SPOCK3: variants seen among roughly 807,000 people sequenced by gnomAD.
SPOCK3 encodes testican-3.
SPOCK3 carries 30 observed loss-of-function variants against 56.6 expected under a neutral mutation model. The ratio of observed to expected loss-of-function variants is 0.53; its 90% CI spans 0.40 to 0.72. The LOEUF (loss-of-function observed/expected upper bound fraction) is 0.72. Among genes scored for constraint, SPOCK3 ranks in the 30% least tolerant of loss-of-function variants. SPOCK3 has a pLI of 0.00. For synonymous variants in SPOCK3, 196 were observed against 183.3 expected (o/e 1.07, Z -0.56); for missense variants, 527 against 530.0 (o/e 0.99, Z 0.06).
chr4:166,992,186 G>A (rs943855762), intron 4 of SPOCK3, among the ~76,000 whole-genome samples: 9 of 152,140 alleles, frequency 5.9e-5, no homozygotes, highest in African/African-American at 1.7e-4. Flanking sequence ...GTGTGGGTGT[G>A]TGTGTAGATA....
At chr4:167,174,519 G>A (rs1436103912) in intron 2 of SPOCK3, among the ~76,000 whole-genome samples, 1 of 152,010 alleles carries the variant, frequency 6.6e-6, no homozygotes, top group Non-Finnish European at 1.5e-5. Context: ...ACAAGGAGGA[G>A]GCAGTTGATG....
intron 2 of SPOCK3, among the ~76,000 whole-genome samples, chr4:167,076,303 G>T (rs28619070): frequency 0.062 from 9,450 of 151,776 alleles, 468 homozygotes; most frequent in African/African-American, 0.14. Flanking sequence ...GATTTTGGAG[G>T]CTAATGATAT....
At chr4:166,847,001 C>T (rs1012452745) in intron 6 of SPOCK3, among the ~76,000 whole-genome samples, 1 of 151,988 alleles carries the variant, frequency 6.6e-6, no homozygotes. Flanking sequence ...CAAAAAGTTG[C>T]CTTTTGACAA....
intron 2 of SPOCK3, among the ~76,000 whole-genome samples, chr4:167,128,502 C>T (rs1762464215): frequency 2.0e-5 from 3 of 152,158 alleles, no homozygotes; most frequent in Admixed American, 6.6e-5. Context: ...GCCTACTGCC[C>T]ATTCCCGTAT....
chr4:166,862,622 C>T (rs1477284779), intron 6 of SPOCK3, among the ~76,000 whole-genome samples: 1 of 151,876 alleles, frequency 6.6e-6, no homozygotes, highest in East Asian at 1.9e-4. Context: ...TCCTGAGTAG[C>T]CATTAAAAAG....
intron 3 of SPOCK3, among the ~76,000 whole-genome samples, chr4:167,011,690 C>CATAT (rs1750082698): frequency 6.6e-6 from 1 of 151,908 alleles, no homozygotes; most frequent in South Asian, 2.1e-4. Context: ...ATTAGTTGGC[C>CATAT]ATATAAACAT....
At chr4:166,857,158 A>T (rs72697537) in intron 6 of SPOCK3, among the ~76,000 whole-genome samples, 55,118 of 152,034 alleles carry the variant, frequency 0.36, 12,570 homozygotes, top group South Asian at 0.53. Context: ...TTGTCTTTTA[A>T]AGTTTTAAGA....
intron 2 of SPOCK3, among the ~76,000 whole-genome samples, chr4:167,085,766 C>G (rs952532895): frequency 1.3e-5 from 2 of 151,978 alleles, no homozygotes; most frequent in Non-Finnish European, 2.9e-5. Flanking sequence ...GTACAGATGG[C>G]AACTTATTTG....
intron 7 of SPOCK3, among the ~76,000 whole-genome samples, chr4:166,771,941 C>A (rs569583045): frequency 2.0e-5 from 3 of 152,032 alleles, no homozygotes; most frequent in African/African-American, 7.2e-5. Flanking sequence ...TAATTATAGA[C>A]CATGTTTTTA....
At chr4:166,743,064 G>T (rs1356833843) in intron 8 of SPOCK3, among the ~76,000 whole-genome samples, 1 of 151,976 alleles carries the variant, frequency 6.6e-6, no homozygotes, top group Non-Finnish European at 1.5e-5. Flanking sequence ...TCCTGAGATC[G>T]ATCCCCCTCG....
At chr4:167,155,921 G>A (rs1228158349) in intron 2 of SPOCK3, among the ~76,000 whole-genome samples, 1 of 151,978 alleles carries the variant, frequency 6.6e-6, no homozygotes, top group Non-Finnish European at 1.5e-5. Flanking sequence ...AAACCACCAT[G>A]CATATGTATA....
At position 166,826,322 on chromosome 4, in the gene SPOCK3, T is replaced by C. The variant is rs572416883; in HGVS notation, c.590-34033A>G. Among the ~76,000 whole-genome samples, 4 of 152,268 alleles carry C rather than the reference T, an allele frequency of 2.6e-5. No homozygotes were observed. The East Asian group carries it at 5.8e-4, about 22-fold the overall frequency. On this transcript the variant is annotated intron_variant, in intron 6 of 10. Coordinates refer to ENST00000357545, the MANE Select transcript of SPOCK3 (RefSeq NM_001040159.2). Reference sequence around the variant, plus strand: ...ACTTAAGTGTTTTACAATTTGGCAATTGAAGGTGCTTTAAAAGTAAAATAA... The same window carrying C: ...ACTTAAGTGTTTTACAATTTGGCAACTGAAGGTGCTTTAAAAGTAAAATAA...
chr4:167,118,226 A>T (rs893966483), intron 2 of SPOCK3, among the ~76,000 whole-genome samples: 1 of 152,182 alleles, frequency 6.6e-6, no homozygotes, highest in Non-Finnish European at 1.5e-5. Flanking sequence ...AAAAGTAAAC[A>T]ACCTAGATCC....
At chr4:167,196,699 A>C (rs1449724927) in intron 2 of SPOCK3, among the ~76,000 whole-genome samples, 1 of 151,950 alleles carries the variant, frequency 6.6e-6, no homozygotes, top group Admixed American at 6.6e-5. Flanking sequence ...ATGTTTGTTG[A>C]CAAAAATTAA....
intron 3 of SPOCK3, among the ~76,000 whole-genome samples, chr4:167,043,001 A>C (rs1036650734): frequency 6.6e-6 from 1 of 152,070 alleles, no homozygotes; most frequent in Non-Finnish European, 1.5e-5. Context: ...TCTCTCTTCA[A>C]TAGCAACCTC....
At chr4:166,895,190 A>T (rs1735241991) in intron 5 of SPOCK3, among the ~76,000 whole-genome samples, 1 of 152,100 alleles carries the variant, frequency 6.6e-6, no homozygotes, top group African/African-American at 2.4e-5. Flanking sequence ...GGTATGATAC[A>T]TATGATTAAT....
At chr4:166,790,399 C>G (rs1426841436) in intron 7 of SPOCK3, among the ~76,000 whole-genome samples, 1 of 152,146 alleles carries the variant, frequency 6.6e-6, no homozygotes, top group Non-Finnish European at 1.5e-5. Flanking sequence ...ATCTGAGGAG[C>G]TGAGGGAGCC....
chr4:167,123,555 T>C (rs1275703346), intron 2 of SPOCK3, among the ~76,000 whole-genome samples: 1 of 152,040 alleles, frequency 6.6e-6, no homozygotes, highest in Admixed American at 6.5e-5. Context: ...CCATTATCTG[T>C]CTGTACCAAG....
At chr4:167,081,469 CTCAT>C (rs1197713406) in intron 2 of SPOCK3, among the ~76,000 whole-genome samples, 37 of 151,996 alleles carry the variant, frequency 2.4e-4, no homozygotes, top group Admixed American at 2.4e-3. Context: ...CACTCACTCA[CTCAT>C]GCATATTATG....
Sources: gnomAD v4.1 joint callset for allele counts (sites outside exome capture counted in the v4.1 genomes callset) on GRCh38, gnomAD v4.1.1 for gene constraint, MANE v1.5 for transcripts, NCBI Gene and HGNC (gene_info 2026-07-23, HGNC 2026-07-21) for gene names.